The following SVOPL variants were observed in gnomAD, a reference collection of about 807,000 sequenced individuals.
SVOPL encodes putative transporter SVOPL.
SVOPL carries 60 observed loss-of-function variants against 61.0 expected under a neutral mutation model. The ratio of observed to expected loss-of-function variants is 0.98; its 90% confidence interval spans 0.80 to 1.22. The LOEUF is 1.22. SVOPL is among the 50% of genes most tolerant of loss of function. The pLI is 0.00. For missense variants in SVOPL, 662 were observed against 643.9 expected, an observed-to-expected ratio of 1.03 and a Z score of -0.30; for synonymous variants, 279 against 250.0, an observed-to-expected ratio of 1.12 and a Z score of -1.09.
intron 7 of SVOPL, among the ~76,000 whole-genome samples, chr7:138,651,400 C>A (rs1008017467): frequency 1.3e-5 from 2 of 152,196 alleles, no homozygotes; most frequent in African/African-American, 2.4e-5. Flanking sequence ...AACCGAAGAA[C>A]AATCAACCAG....
intron 7 of SVOPL, 22 bp from the exon 8 acceptor site, chr7:138,649,159 A>C (rs1393441453): frequency 6.3e-7 from 1 of 1,579,354 alleles, no homozygotes; most frequent in Admixed American, 1.9e-5. Context: ...GAAGTCCAGG[A>C]TTAAAGTTCT....
intron 1 of SVOPL, among the ~76,000 whole-genome samples, chr7:138,700,930 A>G (rs1803182368): frequency 6.6e-6 from 1 of 152,112 alleles, no homozygotes; most frequent in African/African-American, 2.4e-5. Flanking sequence ...TAAAGGACTG[A>G]TTGACATTTT....
At chr7:138,644,953 G>A in intron 8 of SVOPL, 108 bp from the exon 9 acceptor site, 2 of 1,430,362 alleles carry the variant, frequency 1.4e-6, no homozygotes, top group Non-Finnish European at 1.9e-6. Context: ...GATAGGAAAA[G>A]TATGTAACCA....
intron 7 of SVOPL, among the ~76,000 whole-genome samples, chr7:138,655,145 G>A (rs192403969): frequency 1.1e-4 from 17 of 151,616 alleles, no homozygotes; most frequent in Admixed American, 2.0e-4. Context: ...AGCTGAGATC[G>A]CACCACTAAA....
rs1799695157 is a variant in SVOPL at position 138,622,270 on chromosome 7, G to GTATCTATCTATCTATCTATGTATC, written c.1264-1136_1264-1135insGATACATAGATAGATAGATAGATA. Among the ~76,000 whole-genome samples, 62 of 83,778 alleles carry GTATCTATCTATCTATCTATGTATC rather than the reference G, an allele frequency of 7.4e-4. 1 individual carries two copies. Among genetic ancestry groups the GTATCTATCTATCTATCTATGTATC allele is most frequent in the East Asian group, 1.5e-3 (5 of 3,256 alleles). 55.0% of individuals were successfully genotyped at this position (83,778 alleles called of 152,430 possible). On this transcript the variant is annotated intron_variant, in intron 13 of 15. Coordinates refer to ENST00000674285, the MANE Select transcript of SVOPL (RefSeq NM_001139456.2). ...TCTATCTATGTATCTATCTATCTAT[G>GTATCTATCTATCTATCTATGTATC]TATCTATCTATCTATCTATCTATCT...
chr7:138,605,522 CGTG>C (rs1300041081), intron 14 of SVOPL, among the ~76,000 whole-genome samples: 3 of 150,798 alleles, frequency 2.0e-5, no homozygotes, highest in Non-Finnish European at 4.4e-5. Flanking sequence ...ATTAGCTGAG[CGTG>C]GTGGCAGGCG....
At chr7:138,662,448 T>C (rs780355190) in intron 5 of SVOPL, 75 of 985,292 alleles carry the variant, frequency 7.6e-5, no homozygotes, top group Non-Finnish European at 8.7e-5. Context: ...TCTGGGGGGT[T>C]AGAGACTTTA....
chr7:138,653,507 T>C (rs573923747), intron 7 of SVOPL, among the ~76,000 whole-genome samples: 9 of 152,248 alleles, frequency 5.9e-5, no homozygotes, highest in Non-Finnish European at 1.2e-4. Context: ...TTAAGAATTA[T>C]GCTAACTCTT....
chr7:138,676,549 C>T lies in SVOPL; in HGVS notation c.174+1885G>A, dbSNP rs145962568. On this transcript the variant is annotated intron_variant, in intron 3 of 15. Transcript: ENST00000674285. The stretch of plus-strand genomic sequence containing the variant: ...ATCCCATTCACGAGGGAGGAGTCCC[C>T]GCCTCTTCACACTATCTCATTGGCA... Among the ~76,000 whole-genome samples the T allele has an allele frequency of 8.4e-3, 1,281 of 152,226 alleles. 12 individuals carry two copies. The highest frequency in any genetic ancestry group is 0.03 in the African/African-American group (1,232 of 41,528).
chr7:138,672,098 A>C lies in SVOPL; in HGVS notation c.194T>G (p.Ile65Ser). The C allele has an allele frequency of 6.4e-7, 1 of 1,551,600 alleles. No individual in the cohort carries two copies. The highest frequency in any genetic ancestry group is 1.2e-5 in the South Asian group (1 of 84,036). The part of the protein sequence containing the change: ...GSTGVVEAME[I>S]MLIAVVSPVI... ...AGGAGACACAACAGCTATCAACATG[A>C]TCTCCATGGCCTCAACCACCTTAAA... The change falls in exon 4 of 16, where the codon ATC becomes AGC. Residue 65 changes from isoleucine (I) to serine (S), a missense_variant. By Grantham distance (142) the Ile-to-Ser change is moderately radical. Transcript: ENST00000674285.
At chr7:138,639,828 A>G (rs987386803) in intron 9 of SVOPL, among the ~76,000 whole-genome samples, 9 of 151,942 alleles carry the variant, frequency 5.9e-5, no homozygotes. Flanking sequence ...AGCTCACTGT[A>G]GCCTCAACCT....
At chr7:138,629,521 C>T (rs1232235180) in intron 10 of SVOPL, among the ~76,000 whole-genome samples, 3 of 152,186 alleles carry the variant, frequency 2.0e-5, no homozygotes, top group South Asian at 2.1e-4. Flanking sequence ...GGATTATAGG[C>T]GTGAGCCACC....
Position 138,621,026 on chromosome 7 carries a change from T to A in SVOPL, c.1353+20A>T. The A allele has an allele frequency of 6.2e-7, 1 of 1,610,206 alleles. No individual in the cohort carries two copies. The highest frequency in any genetic ancestry group is 8.5e-7 in the Non-Finnish European group (1 of 1,177,226). On this transcript the variant is annotated intron_variant, in intron 14 of 15. Transcript: ENST00000674285. ...CCCTCTCTCAGACTCTCTCTCTCCC[T>A]GCAGGGTCCTTGGCTGTACCTGGGA...
At chr7:138,673,216 AATG>A (rs1394561520) in intron 3 of SVOPL, among the ~76,000 whole-genome samples, 10 of 152,182 alleles carry the variant, frequency 6.6e-5, no homozygotes, top group Non-Finnish European at 1.5e-4. Context: ...AAAAAGCTGG[AATG>A]ATGTCAGCCA....
chr7:138,622,090 GTATCTATCTATC>G lies in SVOPL; in HGVS notation c.1264-967_1264-956del, dbSNP rs1206508941. Among the ~76,000 whole-genome samples the G allele has an allele frequency of 3.7e-3, 133 of 35,914 alleles. 5 individuals carry two copies. Among genetic ancestry groups the G allele is most frequent in the African/African-American group, 5.6e-3 (39 of 6,980 alleles). 23.6% of individuals were successfully genotyped at this position (35,914 alleles called of 152,430 possible). On this transcript the variant is annotated intron_variant, in intron 13 of 15. Transcript: ENST00000674285. The stretch of plus-strand genomic sequence containing the variant: ...TCTATGTATCTATCTATCTATCTAT[GTATCTATCTATC>G]TATCTATCTATCTATCTATGTATCT...
At chr7:138,620,853 G>A (rs1799531694) in intron 14 of SVOPL, among the ~76,000 whole-genome samples, 193 bp downstream of exon 14, 1 of 152,176 alleles carries the variant, frequency 6.6e-6, no homozygotes, top group Admixed American at 6.5e-5. Flanking sequence ...CTACCGACTG[G>A]AAGGCTGAAA....
chr7:138,631,498 C>G (rs1177239953), intron 9 of SVOPL, among the ~76,000 whole-genome samples: 1 of 152,060 alleles, frequency 6.6e-6, no homozygotes, highest in Non-Finnish European at 1.5e-5. Flanking sequence ...CCAATCTGAC[C>G]AAGACCCACG....
At chr7:138,609,218 G>T (rs1478364078) in intron 14 of SVOPL, among the ~76,000 whole-genome samples, 2 of 152,136 alleles carry the variant, frequency 1.3e-5, no homozygotes, top group East Asian at 3.9e-4. Flanking sequence ...AAGCAACAAG[G>T]CTCTCAGGCA....
chr7:138,664,490 G>A (rs1399054093), intron 4 of SVOPL, among the ~76,000 whole-genome samples: 2 of 143,020 alleles, frequency 1.4e-5, no homozygotes, highest in Non-Finnish European at 3.0e-5. Context: ...CCTCCACTGG[G>A]CAAGCCCCTG....
Sources: gnomAD v4.1 joint callset for allele counts (sites outside exome capture counted in the v4.1 genomes callset) on GRCh38, gnomAD v4.1.1 for gene constraint, MANE v1.5 for transcripts, NCBI Gene and HGNC (gene_info 2026-07-23, HGNC 2026-07-21) for gene names.